Variants in PSD3 observed in about 807,000 individuals in gnomAD.
PSD3 encodes PH and SEC7 domain-containing protein 3.
Under a neutral mutation model 105.5 loss-of-function variants are expected in PSD3, and 49 were observed. The observed-to-expected ratio is 0.46, with a 90% CI of 0.37 to 0.59. The LOEUF (loss-of-function observed/expected upper bound fraction) is 0.59. Among genes scored for constraint, PSD3 ranks in the 20% least tolerant of loss-of-function variants. PSD3 has a pLI of 0.00. For synonymous variants in PSD3, 557 were observed against 457.8 expected (o/e 1.22, Z -2.77); for missense variants, 1,561 against 1,263.8 (o/e 1.24, Z -3.57).
At chr8:18,549,369 TG>T (rs1162537035) in intron 15 of PSD3, among the ~76,000 whole-genome samples, 1 of 151,924 alleles carries the variant, frequency 6.6e-6, no homozygotes, top group Non-Finnish European at 1.5e-5. Flanking sequence ...TTAACAGAGA[TG>T]GGGTTTCTTT....
chr8:18,871,687 A>G lies in PSD3; in HGVS notation c.1177T>C (p.Phe393Leu). ...RLDESGEDEV[F>L]LQENKQHLEK... ...AGATGCTGTTTGTTTTCCTGTAGGAAGACTTCATCCTCTCCACTCTCATCA... is the reference window on the plus strand; with the variant it reads ...AGATGCTGTTTGTTTTCCTGTAGGAGGACTTCATCCTCTCCACTCTCATCA... The change falls in exon 3 of 16, where the codon TTC becomes CTC. Residue 393 changes from phenylalanine (F) to leucine (L), a missense_variant. By Grantham distance (22) the Phe-to-Leu change is conservative. Transcript: ENST00000327040. 1.9e-6 allele frequency: 3 copies of G among 1,613,864 alleles called. No individual in the cohort carries two copies. Among genetic ancestry groups the G allele is most frequent in the Non-Finnish European group, 2.5e-6 (3 of 1,179,904 alleles).
At chr8:18,535,979 C>T (rs1390997777) in intron 15 of PSD3, 21 bp from the exon 16 acceptor site, 1 of 1,602,630 alleles carries the variant, frequency 6.2e-7, no homozygotes, top group Admixed American at 1.7e-5. Flanking sequence ...AGCCAGAGAA[C>T]AACGGTAGTC....
intron 12 of PSD3, among the ~76,000 whole-genome samples, chr8:18,576,915 C>T (rs1802495939): frequency 6.6e-6 from 1 of 151,436 alleles, no homozygotes; most frequent in South Asian, 2.1e-4. Context: ...ATTCTAGGTC[C>T]ATGATTTAAG....
At chr8:18,910,637 TAAAAAAAAAAAAA>T (rs34392783) in intron 2 of PSD3, among the ~76,000 whole-genome samples, 14 of 97,114 alleles carry the variant, frequency 1.4e-4, no homozygotes, top group Non-Finnish European at 2.5e-4. Context: ...TAGAGTATAA[TAAAAAAAAAAAAA>T]AAAAAAAAAG....
At chr8:18,724,982 A>G (rs1368474891) in intron 9 of PSD3, among the ~76,000 whole-genome samples, 2 of 152,216 alleles carry the variant, frequency 1.3e-5, no homozygotes, top group Non-Finnish European at 2.9e-5. Context: ...AGTCATGTAA[A>G]AGGATTTTAA....
intron 4 of PSD3, among the ~76,000 whole-genome samples, chr8:18,861,004 T>C (rs921164305): frequency 1.6e-4 from 25 of 152,180 alleles, no homozygotes; most frequent in African/African-American, 6.0e-4. Context: ...CTTTGGTTTG[T>C]TTGTTTTAAG....
chr8:19,052,409 T>C (rs1586670858), intron 1 of PSD3, among the ~76,000 whole-genome samples: 2 of 150,114 alleles, frequency 1.3e-5, no homozygotes, highest in Middle Eastern at 3.4e-3. Context: ...GAGGCAGAGG[T>C]TGCAGTGAGC....
intron 9 of PSD3, among the ~76,000 whole-genome samples, chr8:18,752,593 TTA>T (rs1403862847): frequency 1.2e-5 from 1 of 80,188 alleles, no homozygotes; most frequent in Non-Finnish European, 2.1e-5. Context: ...ATATTATATA[TTA>T]TATATTATAT....
chr8:18,953,331 T>C (rs1436675355), intron 1 of PSD3, among the ~76,000 whole-genome samples: 1 of 152,190 alleles, frequency 6.6e-6, no homozygotes, highest in Non-Finnish European at 1.5e-5. Flanking sequence ...TGTGTGTGTG[T>C]GTATGTACAT....
In PSD3 at chr8:18,872,439, T is replaced by C; in HGVS notation, c.425A>G (p.Glu142Gly). The C allele has an allele frequency of 3.7e-6, 6 of 1,614,214 alleles. No homozygotes were observed. Among genetic ancestry groups the C allele is most frequent in the Non-Finnish European group, 5.1e-6 (6 of 1,180,040 alleles). The stretch of plus-strand genomic sequence containing the variant: ...TAATGTTCCGGAAATGATTCTGGCT[T>C]CTGTGGCTTTCAGAGCTGAAATCAA... ...DSLISALKATEARIISGTLQA... is the reference protein window; with the variant it reads ...DSLISALKATGARIISGTLQA... The change falls in exon 3 of 16, where the codon GAA becomes GGA. Residue 142 changes from glutamate to glycine, a missense_variant. Transcript: ENST00000327040.
chr8:18,799,843 T>A (rs1441960432), intron 7 of PSD3, among the ~76,000 whole-genome samples: 1 of 152,198 alleles, frequency 6.6e-6, no homozygotes, highest in Non-Finnish European at 1.5e-5. Flanking sequence ...CTCGTTACTC[T>A]CACTCTGCTA....
chr8:19,031,960 C>T (rs1055009885), intron 1 of PSD3, among the ~76,000 whole-genome samples: 4 of 152,074 alleles, frequency 2.6e-5, no homozygotes, highest in Admixed American at 1.3e-4. Context: ...CCTAATTAGA[C>T]GCATCCCACA....
intron 1 of PSD3, among the ~76,000 whole-genome samples, chr8:18,939,855 T>C (rs899054701): frequency 6.6e-6 from 1 of 152,116 alleles, no homozygotes; most frequent in South Asian, 2.1e-4. Flanking sequence ...CATTTTTATA[T>C]CAATAAGTTT....
At chr8:18,887,976 G>C (rs531962557) in intron 2 of PSD3, among the ~76,000 whole-genome samples, 1 of 152,158 alleles carries the variant, frequency 6.6e-6, no homozygotes, top group Admixed American at 6.5e-5. Flanking sequence ...AAACTCAAGA[G>C]AGGTGTGTGA....
chr8:18,584,798 G>A (rs1250751098), intron 12 of PSD3, among the ~76,000 whole-genome samples: 1 of 152,154 alleles, frequency 6.6e-6, no homozygotes, highest in African/African-American at 2.4e-5. Flanking sequence ...AAAAGGTGGG[G>A]GGCTCCTTGT....
chr8:18,573,407 T>A (rs955652115), intron 13 of PSD3, among the ~76,000 whole-genome samples: 1 of 152,020 alleles, frequency 6.6e-6, no homozygotes, highest in Non-Finnish European at 1.5e-5. Flanking sequence ...GAGGCGGAGG[T>A]TGCAGTGAGC....
intron 4 of PSD3, among the ~76,000 whole-genome samples, chr8:18,846,024 G>A (rs558364307): frequency 6.0e-4 from 91 of 152,114 alleles, no homozygotes; most frequent in Non-Finnish European, 1.0e-3. Context: ...TGACTAGACT[G>A]GTATTCTTTG....
At chr8:19,000,946 G>A (rs1412562765) in intron 1 of PSD3, 1 of 151,872 alleles carries the variant, frequency 6.6e-6, no homozygotes, top group Non-Finnish European at 1.5e-5. Flanking sequence ...GGCATAAGTG[G>A]GGATTGGTCA....
intron 1 of PSD3, among the ~76,000 whole-genome samples, chr8:18,954,260 A>G (rs1823417666): frequency 6.6e-6 from 1 of 152,186 alleles, no homozygotes; most frequent in South Asian, 2.1e-4. Flanking sequence ...GGCACAGTGG[A>G]TATGAGGGGC....
Sources: allele counts gnomAD v4.1 joint callset (sites outside exome capture counted in the v4.1 genomes callset), GRCh38; gene constraint gnomAD v4.1.1; transcripts MANE v1.5; gene names NCBI Gene and HGNC (gene_info 2026-07-23, HGNC 2026-07-21).